Variants in DBF4B observed in about 807,000 individuals in gnomAD.
The protein encoded by DBF4B is protein DBF4 homolog B.
A neutral mutation model predicts 53.4 loss-of-function variants in DBF4B; 49 were observed. The observed-to-expected ratio is 0.92, with a 90% CI of 0.73 to 1.16. The LOEUF (loss-of-function observed/expected upper bound fraction) is 1.16, where lower values mean the gene tolerates loss of function less well. Among genes scored for constraint, DBF4B ranks in the 50% most tolerant of loss-of-function variants. The pLI is 0.00. For synonymous variants in DBF4B, 257 were observed against 288.7 expected (o/e 0.89, Z 1.11); for missense variants, 692 against 775.0 (o/e 0.89, Z 1.27).
intron 6 of DBF4B, chr17:44,733,882 T>G: frequency 1.7e-6 from 1 of 577,472 alleles, no homozygotes; most frequent in Admixed American, 3.0e-5. Context: ...TGACACCCGC[T>G]CAGGTGCTGT....
chr17:44,708,945 GC>G, intron 1 of DBF4B, 106 bp downstream of exon 1: 1 of 1,476,152 alleles, frequency 6.8e-7, no homozygotes, highest in Non-Finnish European at 9.1e-7. Context: ...GCGGGTAGGT[GC>G]CGAAGCTGAG....
At chr17:44,735,605 T>C (rs1430696719) in intron 7 of DBF4B, among the ~76,000 whole-genome samples, 1 of 152,102 alleles carries the variant, frequency 6.6e-6, no homozygotes. Flanking sequence ...TGGAGACAAG[T>C]TGCAGTGAGC....
chr17:44,740,874 G>A (rs369982042), intron 9 of DBF4B, among the ~76,000 whole-genome samples: 6 of 152,134 alleles, frequency 3.9e-5, no homozygotes, highest in East Asian at 1.9e-4. Flanking sequence ...GGTGGCTCAC[G>A]CCTGTAATCC....
chr17:44,742,223 G>A (rs573589333), intron 10 of DBF4B, among the ~76,000 whole-genome samples: 1 of 151,928 alleles, frequency 6.6e-6, no homozygotes, highest in African/African-American at 2.4e-5. Flanking sequence ...CCAATATGGT[G>A]AAACCCCTTC....
Position 44,734,076 on chromosome 17 carries a change from T to C in DBF4B, c.557-14T>C. 6.2e-7 allele frequency: 1 copy of C among 1,610,144 alleles called. No individual in the cohort carries two copies. The highest frequency in any genetic ancestry group is 1.1e-5 in the South Asian group (1 of 91,014). On this transcript the variant is annotated splice_polypyrimidine_tract_variant and intron_variant, in intron 6 of 13. Coordinates refer to ENST00000315005, the MANE Select transcript of DBF4B (RefSeq NM_145663.3). ...CTGGAAGCCTTTGGCACAAACCCTCTGTCTTCTCCACAGAAATGATGATGC... is the reference window on the plus strand; with the variant it reads ...CTGGAAGCCTTTGGCACAAACCCTCCGTCTTCTCCACAGAAATGATGATGC...
At chr17:44,721,702 T>C (rs8076726) in intron 2 of DBF4B, among the ~76,000 whole-genome samples, 3,959 of 151,964 alleles carry the variant, frequency 0.026, 154 homozygotes, top group African/African-American at 0.089. Flanking sequence ...AGTTGCCTCA[T>C]GTTTTCTTAT....
intron 3 of DBF4B, among the ~76,000 whole-genome samples, chr17:44,726,493 G>A (rs551080184): frequency 1.4e-5 from 2 of 147,008 alleles, no homozygotes; most frequent in African/African-American, 2.5e-5. Context: ...TACTCTTGGC[G>A]TCAAGCAATC....
At chr17:44,726,755 C>T (rs1040157114) in intron 3 of DBF4B, among the ~76,000 whole-genome samples, 3 of 152,118 alleles carry the variant, frequency 2.0e-5, no homozygotes, top group Non-Finnish European at 2.9e-5. Flanking sequence ...AGAAATAACA[C>T]AGGTGAACAA....
At chr17:44,729,695 C>CACAG (rs889377024) in intron 3 of DBF4B, among the ~76,000 whole-genome samples, 2 of 120,528 alleles carry the variant, frequency 1.7e-5, no homozygotes, top group African/African-American at 6.4e-5. Context: ...CACACACACA[C>CACAG]ACACACACAC....
chr17:44,714,370 A>G (rs916929619), intron 2 of DBF4B, among the ~76,000 whole-genome samples: 2 of 152,180 alleles, frequency 1.3e-5, no homozygotes, highest in African/African-American at 4.8e-5. Context: ...GGAGCCCCAC[A>G]GCAATATTTG....
In DBF4B at chr17:44,715,812, CTTTTTTTTTTTTT is replaced by C. The variant is rs869200833; in HGVS notation, c.82+6462_82+6474del. 9.0e-5 allele frequency among the ~76,000 whole-genome samples: 5 copies of C among 55,514 alleles called. No homozygotes were observed. In the East Asian group the frequency reaches 1.4e-3, roughly 15 times the overall value. The allele number at this position is 55,514 out of a possible 152,430, so 36.4% of individuals were successfully genotyped here. ...GTTAGCCTAATTTCTTTCTTTCTTT[CTTTTTTTTTTTTT>C]TTTTTTTTTTTTTTTGAGGCAGAGT... On this transcript the variant is annotated intron_variant, in intron 2 of 13. Coordinates refer to ENST00000315005, the MANE Select transcript of DBF4B (RefSeq NM_145663.3).
At chr17:44,730,576 A>G (rs910620460) in intron 4 of DBF4B, among the ~76,000 whole-genome samples, 1 of 152,182 alleles carries the variant, frequency 6.6e-6, no homozygotes, top group African/African-American at 2.4e-5. Context: ...ATGAACATAC[A>G]CTGTTGGCAT....
Position 44,751,758 on chromosome 17 carries a change from T to A in DBF4B, c.*505T>A, listed in dbSNP as rs889341647. ...TCCTGGGTAGCTCTGCCTGAAGCATTCCACTAAGATCATCTATTCCAAGGT... is the reference window on the plus strand; with the variant it reads ...TCCTGGGTAGCTCTGCCTGAAGCATACCACTAAGATCATCTATTCCAAGGT... On this transcript the variant is annotated 3_prime_UTR_variant, in exon 14 of 14. Coordinates refer to ENST00000315005, the MANE Select transcript of DBF4B (RefSeq NM_145663.3). The A allele has an allele frequency of 6.8e-7, 1 of 1,473,880 alleles. No homozygotes were observed. The highest frequency in any genetic ancestry group is 9.0e-7 in the Non-Finnish European group (1 of 1,113,798). The allele number at this position is 1,473,880 out of a possible 1,614,324, so 91.3% of individuals were successfully genotyped here. A position where few individuals can be genotyped will look rare whatever the true frequency, so the allele number is the denominator to read the frequency against.
At chr17:44,713,415 G>A (rs532947013) in intron 2 of DBF4B, among the ~76,000 whole-genome samples, 4 of 151,860 alleles carry the variant, frequency 2.6e-5, no homozygotes, top group Non-Finnish European at 4.4e-5. Context: ...CACTTTGGGA[G>A]GCTGAGGCAG....
At position 44,730,961 on chromosome 17, in the gene DBF4B, T is replaced by G. The variant is rs1235995176; in HGVS notation, c.418-4T>G. The G allele has an allele frequency of 6.2e-7, 1 of 1,613,848 alleles. No individual in the cohort carries two copies. The highest frequency in any genetic ancestry group is 8.5e-7 in the Non-Finnish European group (1 of 1,179,840). On this transcript the variant is annotated splice_polypyrimidine_tract_variant and splice_region_variant and intron_variant, in intron 4 of 13. Transcript: ENST00000315005. ...AGACCTCACTGCTCTTCTGTCCCTG[T>G]CAGGTGCCTCTAAGCAGAGGGAAGG... is the stretch of plus-strand genomic sequence containing the variant.
rs373334816 is a variant in DBF4B at position 44,709,486 on chromosome 17, T to A, written c.82+120T>A. ...ATCACTCAGTGTTTTTATGTACTTATTTATTCATTTTATTTATTGGGATGG... is the reference window on the plus strand; with the variant it reads ...ATCACTCAGTGTTTTTATGTACTTAATTATTCATTTTATTTATTGGGATGG... On this transcript the variant is annotated intron_variant, in intron 2 of 13. Transcript: ENST00000315005. The A allele has an allele frequency of 3.9e-4, 422 of 1,073,264 alleles. 7 individuals carry two copies. In the South Asian group the frequency reaches 5.3e-3, roughly 14 times the overall value. The allele number at this position is 1,073,264 out of a possible 1,614,324, so 66.5% of individuals were successfully genotyped here. A position where few individuals can be genotyped will look rare whatever the true frequency, so the allele number is the denominator to read the frequency against.
Position 44,730,037 on chromosome 17 carries a change from T to C in DBF4B, c.358T>C (p.Ser120Pro), listed in dbSNP as rs747977543. Residue 120 changes from serine (S) to proline (P), a missense_variant, in exon 4 of 14, where the codon TCG (serine) becomes CCG (proline). Coordinates refer to ENST00000315005, the MANE Select transcript of DBF4B (RefSeq NM_145663.3). ...PSPSEVRVETSAMVDPKGSHP... is the reference protein window; with the variant it reads ...PSPSEVRVETPAMVDPKGSHP... ...CCCCAGTGAGGTCAGAGTGGAAACA[T>C]CGGCCATGGTTGATCCAAAAGGCAG... The C allele has an allele frequency of 1.2e-6, 2 of 1,613,264 alleles. No homozygotes were observed. The highest frequency in any genetic ancestry group is 3.3e-5 in the Admixed American group (2 of 60,000).
intron 3 of DBF4B, among the ~76,000 whole-genome samples, chr17:44,725,684 C>CTTTTT (rs68091397): frequency 0.035 from 3,044 of 87,522 alleles, 379 homozygotes; most frequent in African/African-American, 0.14. Flanking sequence ...TTTTGTGCTT[C>CTTTTT]TTTTTTTTTT....
At chr17:44,744,773 T>C (rs900398006) in intron 10 of DBF4B, among the ~76,000 whole-genome samples, 1 of 152,210 alleles carries the variant, frequency 6.6e-6, no homozygotes, top group Admixed American at 6.5e-5. Flanking sequence ...TATAACAGAT[T>C]AAAAACTGTA....
Sources: gnomAD v4.1 joint callset for allele counts (sites outside exome capture counted in the v4.1 genomes callset) on GRCh38, gnomAD v4.1.1 for gene constraint, MANE v1.5 for transcripts, NCBI Gene and HGNC (gene_info 2026-07-23, HGNC 2026-07-21) for gene names.